Variants in TAF1L observed in about 807,000 individuals in gnomAD.
The protein encoded by TAF1L is transcription initiation factor TFIID subunit 1-like.
Under a neutral mutation model 128.8 loss-of-function variants are expected in TAF1L, and 30 were observed. The observed-to-expected ratio is 0.23, with a 90% CI of 0.17 to 0.32. TAF1L has a LOEUF of 0.32. Among genes scored for constraint, TAF1L ranks in the 10% least tolerant of loss-of-function variants. TAF1L has a pLI of 1.00. For synonymous variants in TAF1L, 764 were observed against 790.7 expected, an observed-to-expected ratio of 0.97 and a Z score of 0.57; for missense variants, 2,099 against 2,253.7, an observed-to-expected ratio of 0.93 and a Z score of 1.39.
chr9:32,633,666 A>C lies in TAF1L; in HGVS notation c.1914T>G (p.Pro638=). The change falls in exon 1 of 1, where the codon CCT becomes CCG. Residue 638 remains proline, a synonymous_variant. Transcript: ENST00000242310. ...GTGCACCAAATGAGTACTTTTTCAG[A>C]GGTGGGCGATGGAACTGCCGGATTT... ...PIKIRQFHRP[P]LKKYSFGALS... is the part of the protein sequence containing the mutation. 6.2e-7 allele frequency: 1 copy of C among 1,613,968 alleles called. No individual in the cohort carries two copies. Among genetic ancestry groups the C allele is most frequent in the South Asian group, 1.1e-5 (1 of 91,064 alleles).
Position 32,632,959 on chromosome 9 carries a change from G to A in TAF1L, c.2621C>T (p.Thr874Ile). Residue 874 changes from threonine (T) to isoleucine (I), a missense_variant, in exon 1 of 1, where the codon ACA becomes ATA. By Grantham distance (89) the Thr-to-Ile change is moderately conservative (BLOSUM62 -1). Transcript: ENST00000242310. This position sits in a 1 kb window ranked among gnomAD's most constrained non-coding sequence, Gnocchi z 4.4. ...CACCCACCAGTTTGAATCCATCCCT[G>A]TGCGTTTGAAGTCAGCGCAGAGCTT... ...RLKLCADFKR[T>I]GMDSNWWVLK... 6.2e-7 allele frequency: 1 copy of A among 1,614,190 alleles called. No homozygotes were observed. Among genetic ancestry groups the A allele is most frequent in the Non-Finnish European group, 8.5e-7 (1 of 1,180,034 alleles).
Position 32,631,617 on chromosome 9 carries a change from C to T in TAF1L, c.3963G>A (p.Glu1321=), listed in dbSNP as rs774669514. 16 of 1,614,082 alleles carry T rather than the reference C, an allele frequency of 9.9e-6. No individual in the cohort carries two copies. In the Admixed American group the frequency reaches 2.3e-4, roughly 24 times the overall value. ...PVAMTEEQEE[E]LEKTVIHNDN... is the part of the protein sequence containing the mutation. ...CATTATGAATGACTGTCTTTTCCAA[C>T]TCCTCCTCCTGCTCTTCTGTCATGG... The change falls in exon 1 of 1, where the codon GAG becomes GAA. Residue 1321 remains glutamate (E), a synonymous_variant. Transcript: ENST00000242310. The surrounding 1 kb of genome is among the most constrained non-coding windows in gnomAD (Gnocchi z 4.1).
rs1353987821 is a variant in TAF1L, at chr9:32,633,568, T to C, written c.2012A>G (p.Gln671Arg). 5 of 1,614,228 alleles carry C rather than the reference T, an allele frequency of 3.1e-6. No individual in the cohort carries two copies. The Admixed American group carries it at 8.3e-5, about 27-fold the overall frequency. ...TCCACCACCTGAGGCTTGCCTCTCT[T>C]GTTCTCTCATCTTGGCCTTTTTTTT... is the stretch of plus-strand genomic sequence containing the variant. The part of the protein sequence containing the change: ...HIKKKAKMRE[Q>R]ERQASGGGEL... The change falls in exon 1 of 1, where the codon CAA (glutamine) becomes CGA (arginine). Residue 671 changes from glutamine (Q) to arginine (R), a missense_variant. Physicochemically the swap from Gln to Arg is conservative, Grantham distance 43. Around this residue, in one of 4 missense-constraint regions of TAF1L, gnomAD observed 1,213 missense variants for 1,391.4 expected, o/e 0.87. Transcript: ENST00000242310.
chr9:32,634,056 C>T lies in TAF1L; in HGVS notation c.1524G>A (p.Gln508=). 2 of 1,614,168 alleles carry T rather than the reference C, an allele frequency of 1.2e-6. No individual in the cohort carries two copies. The highest frequency in any genetic ancestry group is 2.2e-5 in the South Asian group (2 of 91,086). The part of the protein sequence containing the change: ...RWEDNIIWDA[Q]AMPRLLEPPV... ...GAGGTTCCAACAGCCGGGGCATGGC[C>T]TGAGCATCCCAAATGATATTGTCCT... Residue 508 remains glutamine (Q), a synonymous_variant, in exon 1 of 1, where the codon CAG becomes CAA. Coordinates refer to ENST00000242310, the MANE Select transcript of TAF1L (RefSeq NM_153809.2).
Position 32,632,256 on chromosome 9 carries a change from G to T in TAF1L, c.3324C>A (p.Ser1108Arg). The T allele has an allele frequency of 6.2e-7, 1 of 1,614,198 alleles. No homozygotes were observed. Residue 1108 changes from serine to arginine, a missense_variant, in exon 1 of 1, where the codon AGC (serine) becomes AGA (arginine). By Grantham distance (110) the Ser-to-Arg change is moderately radical. This residue lies in a region of TAF1L where 1,213 missense variants were observed against 1,391.4 expected (regional missense o/e 0.87). Transcript: ENST00000242310. The surrounding 1 kb of genome is among the most constrained non-coding windows in gnomAD (Gnocchi z 4.4). ...STEVLSTDTD[S>R]ISAEDSDFEE... is the part of the protein sequence containing the mutation. ...CAAAGTCACTATCTTCAGCTGAGATGCTGTCTGTGTCAGTTGATAAGACCT... is the reference window on the plus strand; with the variant it reads ...CAAAGTCACTATCTTCAGCTGAGATTCTGTCTGTGTCAGTTGATAAGACCT...
In TAF1L at chr9:32,635,594, AC is replaced by A. The variant is rs1174335419; in HGVS notation, c.-16del. ...CCGGGTCGCATAAACCGGAAATAAA[AC>A]AACAGTCGCCCGGAAGTGATCTACT... On this transcript the variant is annotated 5_prime_UTR_variant, in exon 1 of 1. Coordinates refer to ENST00000242310, the MANE Select transcript of TAF1L (RefSeq NM_153809.2). 1 of 1,602,562 alleles carries A rather than the reference AC, an allele frequency of 6.2e-7. No individual in the cohort carries two copies. The highest frequency in any genetic ancestry group is 1.3e-5 in the African/African-American group (1 of 74,534).
At position 32,629,939 on chromosome 9, in the gene TAF1L, A is replaced by T; in HGVS notation, c.*160T>A. 7.1e-7 allele frequency: 1 copy of T among 1,407,898 alleles called. No individual in the cohort carries two copies. Among genetic ancestry groups the T allele is most frequent in the Non-Finnish European group, 9.6e-7 (1 of 1,039,362 alleles). The allele number at this position is 1,407,898 out of a possible 1,614,324, so 87.2% of individuals were successfully genotyped here. On this transcript the variant is annotated 3_prime_UTR_variant, in exon 1 of 1. Coordinates refer to ENST00000242310, the MANE Select transcript of TAF1L (RefSeq NM_153809.2). ...CCAGAGTGCTGAGATTACAGGTGTG[A>T]GCCACCATGCCCAGCTGGAAATTTC...
chr9:32,632,345 C>T lies in TAF1L; in HGVS notation c.3235G>A (p.Glu1079Lys). 6.2e-7 allele frequency: 1 copy of T among 1,614,228 alleles called. No homozygotes were observed. Among genetic ancestry groups the T allele is most frequent in the South Asian group, 1.1e-5 (1 of 91,082 alleles). Residue 1079 changes from glutamate to lysine, a missense_variant, in exon 1 of 1, where the codon GAG becomes AAG. Coordinates refer to ENST00000242310, the MANE Select transcript of TAF1L (RefSeq NM_153809.2). The surrounding 1 kb of genome is among the most constrained non-coding windows in gnomAD (Gnocchi z 4.4). Reference sequence around the variant, plus strand: ...CGCTGACATTCCTCTTTGTAACGCTCTTGATGCTCAGCCACAGAAAACCTT... The same window carrying T: ...CGCTGACATTCCTCTTTGTAACGCTTTTGATGCTCAGCCACAGAAAACCTT... ...GSRFSVAEHQ[E>K]RYKEECQRIF...
chr9:32,630,360 TC>T lies in TAF1L; in HGVS notation c.5219del (p.Gly1740GlufsTer52). ...GKPKPPAPEG[G>X]DGDLADEEEG... ...CCTCTTCATCTGCAAGATCACCATCTCCCCCTTCTGGGGCTGGAGGCTTAGG... is the reference window on the plus strand; with the variant it reads ...CCTCTTCATCTGCAAGATCACCATCTCCCCTTCTGGGGCTGGAGGCTTAGG... On this transcript the variant is annotated frameshift_variant, in exon 1 of 1. Transcript: ENST00000242310. LOFTEE classifies it high-confidence loss of function. 6.2e-7 allele frequency: 1 copy of T among 1,614,052 alleles called. No homozygotes were observed. The highest frequency in any genetic ancestry group is 8.5e-7 in the Non-Finnish European group (1 of 1,180,008).
At position 32,633,620 on chromosome 9, in the gene TAF1L, A is replaced by C. The variant is rs776752021; in HGVS notation, c.1960T>G (p.Ser654Ala). 6.2e-6 allele frequency: 10 copies of C among 1,613,974 alleles called. No homozygotes were observed. The South Asian group carries it at 1.1e-4, about 18-fold the overall frequency. ...ATGTGCTTTAGCAAAGGTTGGACTGAATGGGGACCTGGCTGAGAGAGTGCA... is the reference window on the plus strand; with the variant it reads ...ATGTGCTTTAGCAAAGGTTGGACTGCATGGGGACCTGGCTGAGAGAGTGCA... ...FGALSQPGPHSVQPLLKHIKK... is the reference protein window; with the variant it reads ...FGALSQPGPHAVQPLLKHIKK... The change falls in exon 1 of 1, where the codon TCA becomes GCA. Residue 654 changes from serine (S) to alanine (A), a missense_variant. Coordinates refer to ENST00000242310, the MANE Select transcript of TAF1L (RefSeq NM_153809.2).
Position 32,635,061 on chromosome 9 carries a change from A to T in TAF1L, c.519T>A (p.Ala173=). The change falls in exon 1 of 1, where the codon GCT becomes GCA. Residue 173 remains alanine, a synonymous_variant. Coordinates refer to ENST00000242310, the MANE Select transcript of TAF1L (RefSeq NM_153809.2). ...GPMKKDKDQD[A]ITCVSESGED... ...CTCCACTTTCAGACACACAGGTAATAGCATCTTGGTCCTTATCCTTCTTCA... is the reference window on the plus strand; with the variant it reads ...CTCCACTTTCAGACACACAGGTAATTGCATCTTGGTCCTTATCCTTCTTCA... 6.2e-7 allele frequency: 1 copy of T among 1,614,174 alleles called. No individual in the cohort carries two copies. Among genetic ancestry groups the T allele is most frequent in the Non-Finnish European group, 8.5e-7 (1 of 1,180,028 alleles).
rs764353497 is a variant in TAF1L at position 32,632,009 on chromosome 9, G to T, written c.3571C>A (p.Arg1191=). 3 of 1,614,132 alleles carry T rather than the reference G, an allele frequency of 1.9e-6. No homozygotes were observed. The highest frequency in any genetic ancestry group is 2.5e-6 in the Non-Finnish European group (3 of 1,180,028). ...ACATACTCTTTCCCCTCTTCATCTC[G>T]AAATGTGCGATAAATCTTGAGACAG... ...GHCLKIYRTF[R]DEEGKEYVRC... Residue 1191 remains arginine, a synonymous_variant, in exon 1 of 1, where the codon CGA becomes AGA. Coordinates refer to ENST00000242310, the MANE Select transcript of TAF1L (RefSeq NM_153809.2). This position sits in a 1 kb window ranked among gnomAD's most constrained non-coding sequence, Gnocchi z 4.4.
Position 32,635,536 on chromosome 9 carries a change from A to C in TAF1L, c.44T>G (p.Val15Gly). ...CGAGTCTGACATGATGGCGGCAGTG[A>C]CGGTAGCTGCTGCCCTCAGCAGCAA... ...CDLLLRAAAT[V>G]TAAIMSDSDS... Residue 15 changes from valine to glycine, a missense_variant, in exon 1 of 1, where the codon GTC becomes GGC. Coordinates refer to ENST00000242310, the MANE Select transcript of TAF1L (RefSeq NM_153809.2). 2 of 1,614,036 alleles carry C rather than the reference A, an allele frequency of 1.2e-6. No individual in the cohort carries two copies. Among genetic ancestry groups the C allele is most frequent in the Non-Finnish European group, 8.5e-7 (1 of 1,179,974 alleles).
In TAF1L at chr9:32,635,564, C is replaced by T. The variant is rs766801377; in HGVS notation, c.16G>A (p.Asp6Asn). ...GTAGCTGCTGCCCTCAGCAGCAAATCGCAGCCGGGTCGCATAAACCGGAAA... is the reference window on the plus strand; with the variant it reads ...GTAGCTGCTGCCCTCAGCAGCAAATTGCAGCCGGGTCGCATAAACCGGAAA... MRPGC[D>N]LLLRAAATVT... is the part of the protein sequence containing the mutation. Residue 6 changes from aspartate to asparagine, a missense_variant, in exon 1 of 1, where the codon GAT (aspartate) becomes AAT (asparagine). Coordinates refer to ENST00000242310, the MANE Select transcript of TAF1L (RefSeq NM_153809.2). 7 of 1,613,480 alleles carry T rather than the reference C, an allele frequency of 4.3e-6. No homozygotes were observed. The Admixed American group carries it at 5.0e-5, about 12-fold the overall frequency.
rs1286992976 is a variant in TAF1L, at chr9:32,632,206, T to C, written c.3374A>G (p.Asn1125Ser). The C allele has an allele frequency of 1.2e-6, 2 of 1,614,208 alleles. No individual in the cohort carries two copies. Among genetic ancestry groups the C allele is most frequent in the Non-Finnish European group, 1.7e-6 (2 of 1,180,026 alleles). ...GCTGGTTTTCTTGTTCTGCAACATG[T>C]TCTCAATGTTCTTTCCCATTTCTTC... ...DFEEMGKNIE[N>S]MLQNKKTSSQ... Residue 1125 changes from asparagine to serine, a missense_variant, in exon 1 of 1, where the codon AAC (asparagine) becomes AGC (serine). Asn to Ser is a conservative substitution (Grantham distance 46). This residue lies in a region of TAF1L where 1,213 missense variants were observed against 1,391.4 expected (regional missense o/e 0.87). Coordinates refer to ENST00000242310, the MANE Select transcript of TAF1L (RefSeq NM_153809.2). The surrounding 1 kb of genome is among the most constrained non-coding windows in gnomAD (Gnocchi z 4.4).
rs748460678 is a variant in TAF1L at position 32,633,498 on chromosome 9, A to G, written c.2082T>C (p.Asp694=). 4 of 1,614,172 alleles carry G rather than the reference A, an allele frequency of 2.5e-6. No individual in the cohort carries two copies. Among genetic ancestry groups the G allele is most frequent in the Non-Finnish European group, 3.4e-6 (4 of 1,180,036 alleles). The change falls in exon 1 of 1, where the codon GAT becomes GAC. Residue 694 remains aspartate (D), a synonymous_variant. Transcript: ENST00000242310. ...MRTPQDLTGK[D]GDLILAEYSE... ...TATATTCTGCAAGAATAAGATCTCC[A>G]TCTTTGCCTGTGAGATCCTGAGGTG...
rs1822506689 is a variant in TAF1L at position 32,630,746 on chromosome 9, C to T, written c.4834G>A (p.Ala1612Thr). The T allele has an allele frequency of 6.2e-7, 1 of 1,614,200 alleles. No homozygotes were observed. Among genetic ancestry groups the T allele is most frequent in the Non-Finnish European group, 8.5e-7 (1 of 1,180,042 alleles). ...NGPESQYTKT[A>T]QEIVNICYQT... ...TAACAGATGTTCACAATCTCCTGAGCAGTCTTAGTGTACTGACTCTCAGGT... is the reference window on the plus strand; with the variant it reads ...TAACAGATGTTCACAATCTCCTGAGTAGTCTTAGTGTACTGACTCTCAGGT... The change falls in exon 1 of 1, where the codon GCT becomes ACT. Residue 1612 changes from alanine to threonine, a missense_variant. Transcript: ENST00000242310.
rs1485277138 is a variant in TAF1L at position 32,631,969 on chromosome 9, A to G, written c.3611T>C (p.Val1204Ala). The change falls in exon 1 of 1, where the codon GTC (valine) becomes GCC (alanine). Residue 1204 changes from valine (V) to alanine (A), a missense_variant. Around this residue, in one of 4 missense-constraint regions of TAF1L, gnomAD observed 1,213 missense variants for 1,391.4 expected, o/e 0.87. Coordinates refer to ENST00000242310, the MANE Select transcript of TAF1L (RefSeq NM_153809.2). This position sits in a 1 kb window ranked among gnomAD's most constrained non-coding sequence, Gnocchi z 4.1. ...GGCATCAATGACAGCTGGTTTTCGG[A>G]CTGTCTCACAGCGAACATACTCTTT... is the stretch of plus-strand genomic sequence containing the variant. The part of the protein sequence containing the change: ...EGKEYVRCET[V>A]RKPAVIDAYV... 1.2e-6 allele frequency: 2 copies of G among 1,613,988 alleles called. No individual in the cohort carries two copies. The highest frequency in any genetic ancestry group is 2.2e-5 in the East Asian group (1 of 44,896).
chr9:32,635,466 C>G lies in TAF1L; in HGVS notation c.114G>C (p.Ala38=), dbSNP rs374288765. The part of the protein sequence containing the change: ...DSSGGGPFTL[A]GILFGNISGA... ...CACTGATGTTGCCGAAAAGGATACC[C>G]GCTAAAGTAAATGGGCCACCTCCAG... is the stretch of plus-strand genomic sequence containing the variant. The change falls in exon 1 of 1, where the codon GCG becomes GCC. Residue 38 remains alanine, a synonymous_variant. Transcript: ENST00000242310. The G allele has an allele frequency of 2.5e-6, 4 of 1,614,146 alleles. No individual in the cohort carries two copies. The highest frequency in any genetic ancestry group is 3.4e-6 in the Non-Finnish European group (4 of 1,180,022).
Sources: allele counts gnomAD v4.1 joint callset, GRCh38; gene constraint gnomAD v4.1.1; regional missense constraint gnomAD v4.1.1; non-coding constraint Gnocchi (gnomAD v3.1); transcripts MANE v1.5; gene names NCBI Gene and HGNC (gene_info 2026-07-23, HGNC 2026-07-21).